The following CLSTN1 variants were observed in gnomAD, a reference collection of about 807,000 sequenced individuals.
The protein encoded by CLSTN1 is calsyntenin 1, also known as calsyntenin-1.
CLSTN1 carries 28 observed loss-of-function variants against 108.3 expected under a neutral mutation model. That is an observed-to-expected ratio of 0.26 (90% CI 0.19 to 0.35). CLSTN1 has a LOEUF of 0.35. Ranked by LOEUF, CLSTN1 falls within the 10% of genes least tolerant of loss-of-function variation. CLSTN1 has a pLI of 1.00. For missense variants in CLSTN1, 1,157 were observed against 1,302.6 expected (o/e 0.89, Z 1.72); for synonymous variants, 524 against 534.9 (o/e 0.98, Z 0.28).
Position 9,737,529 on chromosome 1 carries a change from A to G in CLSTN1, c.1545T>C (p.Asn515=), listed in dbSNP as rs772517491. 1.8e-5 allele frequency: 29 copies of G among 1,614,062 alleles called. No individual in the cohort carries two copies. Among genetic ancestry groups the G allele is most frequent in the Middle Eastern group, 1.6e-4 (1 of 6,084 alleles). Reference sequence around the variant, plus strand: ...AGGCCACAGTCACAGGCTCAGTTTCATTGTCATTTTCAACTCCTGAAAACT... The same window carrying G: ...AGGCCACAGTCACAGGCTCAGTTTCGTTGTCATTTTCAACTCCTGAAAACT... ...WQEFSGVEND[N]ETEPVTVASA... The change falls in exon 11 of 19, where the codon AAT becomes AAC. Residue 515 remains asparagine (N), a synonymous_variant. Transcript: ENST00000377298.
intron 1 of CLSTN1, among the ~76,000 whole-genome samples, chr1:9,788,290 G>A (rs976004214): frequency 1.3e-5 from 2 of 151,340 alleles, no homozygotes; most frequent in Non-Finnish European, 2.9e-5. Flanking sequence ...ACCATTCTAG[G>A]CCAGATGCGG....
intron 1 of CLSTN1, among the ~76,000 whole-genome samples, chr1:9,794,926 G>A (rs1183892229): frequency 6.7e-6 from 1 of 150,374 alleles, no homozygotes; most frequent in Non-Finnish European, 1.5e-5. Flanking sequence ...AGGCCTGATG[G>A]CATTCATTAT....
chr1:9,819,754 T>C (rs78708261), intron 1 of CLSTN1, among the ~76,000 whole-genome samples: 1,977 of 152,244 alleles, frequency 0.013, 27 homozygotes, highest in East Asian at 0.043. Context: ...CAGTTATAGG[T>C]CTCCTTTGAG....
rs192571398 is a variant in CLSTN1, at chr1:9,812,967, C to G, written c.91+10676G>C. 4.1e-3 allele frequency among the ~76,000 whole-genome samples: 626 copies of G among 151,968 alleles called. 2 individuals carry two copies. The highest frequency in any genetic ancestry group is 7.3e-3 in the Non-Finnish European group (496 of 67,988). On this transcript the variant is annotated intron_variant, in intron 1 of 18. Transcript: ENST00000377298. Reference sequence around the variant, plus strand: ...TCACTTGAGGTCAGGAGCTCAAGACCAGCCTGGCCAACATGGTGAAACCCC... The same window carrying G: ...TCACTTGAGGTCAGGAGCTCAAGACGAGCCTGGCCAACATGGTGAAACCCC...
chr1:9,800,476 T>C (rs1000501935), intron 1 of CLSTN1, among the ~76,000 whole-genome samples: 1 of 150,158 alleles, frequency 6.7e-6, no homozygotes, highest in Non-Finnish European at 1.5e-5. Context: ...TCCCAGAACT[T>C]TGGGAGGCCG....
At chr1:9,762,592 CTG>C (rs1437269132) in intron 2 of CLSTN1, among the ~76,000 whole-genome samples, 1 of 144,268 alleles carries the variant, frequency 6.9e-6, no homozygotes, top group African/African-American at 2.6e-5. Flanking sequence ...CTCAACGGCT[CTG>C]CTCCACTCGG....
At chr1:9,735,375 T>C (rs1650629103) in intron 13 of CLSTN1, 92 bp downstream of exon 13, 1 of 1,550,886 alleles carries the variant, frequency 6.4e-7, no homozygotes, top group African/African-American at 1.4e-5. Context: ...ATGGCTCACC[T>C]TTCCTTACAG....
intron 2 of CLSTN1, among the ~76,000 whole-genome samples, chr1:9,770,099 ATAT>A (rs1171644769): frequency 1.3e-5 from 2 of 152,154 alleles, no homozygotes; most frequent in Admixed American, 1.3e-4. Flanking sequence ...GAAAGAAAAA[ATAT>A]TATATGAGTA....
At chr1:9,737,928 TA>T (rs1468607593) in intron 10 of CLSTN1, among the ~76,000 whole-genome samples, 1 of 152,174 alleles carries the variant, frequency 6.6e-6, no homozygotes, top group African/African-American at 2.4e-5. Context: ...GCTCCCGATA[TA>T]AACACCACCA....
intron 1 of CLSTN1, among the ~76,000 whole-genome samples, chr1:9,783,272 T>C (rs1055481554): frequency 1.3e-5 from 2 of 151,992 alleles, no homozygotes; most frequent in African/African-American, 2.4e-5. Flanking sequence ...AAAGAAGACT[T>C]TGTAACTAGA....
chr1:9,735,842 T>TAAGGGGCCCATGAGTGGTG (rs1307404837), intron 12 of CLSTN1, 43 bp downstream of exon 12: 2 of 1,610,090 alleles, frequency 1.2e-6, no homozygotes, highest in Non-Finnish European at 1.7e-6. Context: ...GGCTGTAGTC[T>TAAGGGGCCCATGAGTGGTG]AAGGGGCCCA....
At chr1:9,811,181 T>G (rs1193132023) in intron 1 of CLSTN1, among the ~76,000 whole-genome samples, 1 of 152,180 alleles carries the variant, frequency 6.6e-6, no homozygotes, top group Non-Finnish European at 1.5e-5. Flanking sequence ...TAGTTGTTAT[T>G]AAAGTCAGCA....
intron 11 of CLSTN1, among the ~76,000 whole-genome samples, 185 bp downstream of exon 11, chr1:9,737,313 G>A (rs922013706): frequency 6.6e-6 from 1 of 152,118 alleles, no homozygotes; most frequent in Non-Finnish European, 1.5e-5. Flanking sequence ...CCTCACTCCA[G>A]CTGGGGTCAG....
chr1:9,738,541 C>T (rs1650809436), intron 10 of CLSTN1, among the ~76,000 whole-genome samples: 1 of 152,238 alleles, frequency 6.6e-6, no homozygotes, highest in African/African-American at 2.4e-5. Context: ...GAAGCTGCTG[C>T]CCACAGCCCA....
intron 1 of CLSTN1, among the ~76,000 whole-genome samples, chr1:9,807,028 C>T (rs111673883): frequency 6.6e-6 from 1 of 151,954 alleles, no homozygotes; most frequent in Non-Finnish European, 1.5e-5. Context: ...GGGTCTGGAG[C>T]AGCATTGCCT....
intron 2 of CLSTN1, among the ~76,000 whole-genome samples, chr1:9,766,386 C>T (rs1652333345): frequency 6.6e-6 from 1 of 152,100 alleles, no homozygotes; most frequent in African/African-American, 2.4e-5. Context: ...AGGCCGGGCG[C>T]GGTGGCTCAC....
chr1:9,766,267 G>A (rs966809584), intron 2 of CLSTN1, among the ~76,000 whole-genome samples: 3 of 152,102 alleles, frequency 2.0e-5, no homozygotes, highest in African/African-American at 4.8e-5. Context: ...GAGGAGGCAC[G>A]GCTTCTGACA....
chr1:9,803,710 CA>C (rs1654384330), intron 1 of CLSTN1, among the ~76,000 whole-genome samples: 1 of 151,568 alleles, frequency 6.6e-6, no homozygotes, highest in Non-Finnish European at 1.5e-5. Context: ...GGCCGAGGCA[CA>C]AGAATTGCTT....
chr1:9,744,498 G>A lies in CLSTN1; in HGVS notation c.1131C>T (p.Val377=), dbSNP rs769809592. ...ACGGCTCTTTGGGGCTGACCGACAC[G>A]ACGCCATCCGGGATCCTCACTGCCT... is the stretch of plus-strand genomic sequence containing the variant. The part of the protein sequence containing the change: ...GTQAVRIPDG[V]VSVSPKEPFT... The change falls in exon 8 of 19, where the codon GTC becomes GTT. Residue 377 remains valine (V), a synonymous_variant. Transcript: ENST00000377298. The A allele has an allele frequency of 1.4e-5, 22 of 1,612,200 alleles. No individual in the cohort carries two copies. The highest frequency in any genetic ancestry group is 2.7e-5 in the African/African-American group (2 of 74,694).
Sources: gnomAD v4.1 joint callset for allele counts (sites outside exome capture counted in the v4.1 genomes callset) on GRCh38, gnomAD v4.1.1 for gene constraint, MANE v1.5 for transcripts, NCBI Gene and HGNC (gene_info 2026-07-23, HGNC 2026-07-21) for gene names.